PROM2: variants seen among roughly 807,000 people sequenced by gnomAD.
The protein encoded by PROM2 is prominin-2.
A neutral mutation model predicts 110.2 loss-of-function variants in PROM2; 90 were observed. That is an observed-to-expected ratio of 0.82 (90% CI 0.69 to 0.97). PROM2 has a LOEUF of 0.97. PROM2 is among the 50% of genes least tolerant of loss of function. The probability of loss-of-function intolerance (pLI) is 0.00; values close to 1 mark genes in which losing one functional copy is unlikely to be tolerated. For missense variants in PROM2, 1,009 were observed against 1,074.8 expected (o/e 0.94, Z 0.86); for synonymous variants, 470 against 467.8 (o/e 1.00, Z -0.06).
intron 8 of PROM2, 171 bp downstream of exon 8, chr2:95,278,175 G>A: frequency 1.6e-6 from 1 of 620,218 alleles, no homozygotes; most frequent in South Asian, 1.9e-5. Context: ...CACAATCTGT[G>A]CTCAGATGGG....
chr2:95,274,834 G>C lies in PROM2; in HGVS notation c.244+5G>C. ...AGCTCAATCCTTTCCCTTCAGGTGA[G>C]TGTGCCCCTCCCCCATGAGGGCCTC... is the stretch of plus-strand genomic sequence containing the variant. On this transcript the variant is annotated splice_donor_5th_base_variant and intron_variant, in intron 1 of 23. Transcript: ENST00000317620. 2 of 1,547,962 alleles carry C rather than the reference G, an allele frequency of 1.3e-6. No homozygotes were observed. The highest frequency in any genetic ancestry group is 1.7e-6 in the Non-Finnish European group (2 of 1,145,312).
At chr2:95,277,862 T>G in intron 7 of PROM2, 68 bp from the exon 8 acceptor site, 1 of 1,372,590 alleles carries the variant, frequency 7.3e-7, no homozygotes, top group Non-Finnish European at 1.0e-6. Flanking sequence ...GCCCCCCTCA[T>G]CCACCCTCAG....
chr2:95,277,539 C>A lies in PROM2; in HGVS notation c.948C>A (p.Thr316=). 1 of 1,591,174 alleles carries A rather than the reference C, an allele frequency of 6.3e-7. No individual in the cohort carries two copies. Among genetic ancestry groups the A allele is most frequent in the East Asian group, 2.2e-5 (1 of 44,556 alleles). Residue 316 remains threonine (T), a synonymous_variant, in exon 7 of 24, where the codon ACC becomes ACA. Transcript: ENST00000317620. ...CAGGGGCCCTGAGCTGGGCCCGCAC[C>A]CTGGAGCTGGGTGCTGACTTCAGCC... ...DCAGALSWAR[T]LELGADFSQV... is the part of the protein sequence containing the mutation.
rs376016982 is a variant in PROM2 at position 95,275,412 on chromosome 2, G to A, written c.245-49G>A. ...GCAGTGGGGAGAGGAGGGACACAGG[G>A]GCAGGGCAGTGGCTGTCCCCAAATC... On this transcript the variant is annotated intron_variant, in intron 1 of 23. Coordinates refer to ENST00000317620, the MANE Select transcript of PROM2 (RefSeq NM_001165978.3). The surrounding 1 kb of genome is among the most constrained non-coding windows in gnomAD (Gnocchi z 4.4). 6.4e-7 allele frequency: 1 copy of A among 1,564,840 alleles called. No homozygotes were observed. Among genetic ancestry groups the A allele is most frequent in the African/African-American group, 1.4e-5 (1 of 74,022 alleles).
At position 95,276,780 on chromosome 2, in the gene PROM2, G is replaced by C. The variant is rs897213167; in HGVS notation, c.682+123G>C. On this transcript the variant is annotated intron_variant, in intron 5 of 23. Coordinates refer to ENST00000317620, the MANE Select transcript of PROM2 (RefSeq NM_001165978.3). This position sits in a 1 kb window ranked among gnomAD's most constrained non-coding sequence, Gnocchi z 4.6. Reference sequence around the variant, plus strand: ...CCGGGAACAGGCTGGTAGAGGTGGGGATCAGGCCGGCTGGAGAGCAAGAGT... The same window carrying C: ...CCGGGAACAGGCTGGTAGAGGTGGGCATCAGGCCGGCTGGAGAGCAAGAGT... The C allele has an allele frequency of 4.2e-5, 52 of 1,226,650 alleles. No individual in the cohort carries two copies. The African/African-American group carries it at 7.8e-4, about 18-fold the overall frequency. 76.0% of individuals were successfully genotyped at this position (1,226,650 alleles called of 1,614,324 possible).
intron 20 of PROM2, among the ~76,000 whole-genome samples, chr2:95,287,859 G>T (rs1333821082): frequency 2.0e-5 from 3 of 152,176 alleles, no homozygotes; most frequent in Non-Finnish European, 4.4e-5. Flanking sequence ...CAGTGGTCTG[G>T]TTTTACCCTG....
chr2:95,284,546 A>G (rs1677231628), intron 14 of PROM2, among the ~76,000 whole-genome samples: 2 of 152,170 alleles, frequency 1.3e-5, no homozygotes, highest in South Asian at 4.1e-4. Context: ...TTATAAAGAA[A>G]AGAGGTTTAA....
rs190679499 is a variant in PROM2, at chr2:95,275,980, C to G, written c.345C>G (p.Leu115=). The part of the protein sequence containing the change: ...GYVVCAVIAG[L]YLLLVPTAGL... ...TGGTATGCGCTGTGATCGCGGGCCTCTACCTGCTGCTGGTGCCCACTGCCG... is the reference window on the plus strand; with the variant it reads ...TGGTATGCGCTGTGATCGCGGGCCTGTACCTGCTGCTGGTGCCCACTGCCG... Residue 115 remains leucine, a synonymous_variant, in exon 3 of 24, where the codon CTC becomes CTG. Coordinates refer to ENST00000317620, the MANE Select transcript of PROM2 (RefSeq NM_001165978.3). This position sits in a 1 kb window ranked among gnomAD's most constrained non-coding sequence, Gnocchi z 4.4. 6.2e-7 allele frequency: 1 copy of G among 1,612,396 alleles called. No homozygotes were observed. Among genetic ancestry groups the G allele is most frequent in the African/African-American group, 1.3e-5 (1 of 75,064 alleles).
In PROM2 at chr2:95,276,413, G is replaced by A. The variant is rs762015068; in HGVS notation, c.618+66G>A. ...CACTGGGCCCGGGCAGGACAGAGCC[G>A]AGTGGGCCCTCGATGGCCCATAACC... On this transcript the variant is annotated intron_variant, in intron 4 of 23. Transcript: ENST00000317620. The surrounding 1 kb of genome is among the most constrained non-coding windows in gnomAD (Gnocchi z 4.6). The A allele has an allele frequency of 4.7e-4, 745 of 1,597,784 alleles. No individual in the cohort carries two copies. The highest frequency in any genetic ancestry group is 6.1e-4 in the Non-Finnish European group (715 of 1,170,460).
chr2:95,277,131 C>T (rs1161345258), intron 6 of PROM2, 70 bp downstream of exon 6: 1 of 1,381,776 alleles, frequency 7.2e-7, no homozygotes, highest in Non-Finnish European at 9.8e-7. Flanking sequence ...CCCACCTGCA[C>T]CTAGCCCTGG....
intron 13 of PROM2, 51 bp from the exon 14 acceptor site, chr2:95,282,090 GC>G (rs961244907): frequency 2.1e-5 from 33 of 1,606,616 alleles, no homozygotes; most frequent in Non-Finnish European, 2.6e-5. Flanking sequence ...GGGGACATCA[GC>G]CCCCCCGCCA....
chr2:95,279,796 G>A (rs1676934871), intron 10 of PROM2, 49 bp from the exon 11 acceptor site: 1 of 1,371,024 alleles, frequency 7.3e-7, no homozygotes, highest in South Asian at 2.1e-5. Context: ...GTCCATGTTG[G>A]TGCCAGCCAC....
chr2:95,287,373 C>A (rs996462472), intron 19 of PROM2, 23 bp from the exon 20 acceptor site: 13 of 1,613,678 alleles, frequency 8.1e-6, no homozygotes, highest in Non-Finnish European at 1.1e-5. Flanking sequence ...CCCTACAGCT[C>A]AGACCTCCTT....
In PROM2 at chr2:95,282,155, G is replaced by A; in HGVS notation, c.1657G>A (p.Gly553Arg). The A allele has an allele frequency of 6.2e-7, 1 of 1,613,916 alleles. No homozygotes were observed. Among genetic ancestry groups the A allele is most frequent in the Non-Finnish European group, 8.5e-7 (1 of 1,179,958 alleles). Residue 553 changes from glycine to arginine, a missense_variant, in exon 14 of 24, where the codon GGG becomes AGG. Gly to Arg is a moderately radical substitution (Grantham distance 125). Transcript: ENST00000317620. ...IHQAYQQCKEGAALWTVLQLN... is the reference protein window; with the variant it reads ...IHQAYQQCKERAALWTVLQLN... ...ACTCCTCCTCAGGCAGTGCAAGGAA[G>A]GGGCAGCGCTCTGGACAGTCCTGCA... is the stretch of plus-strand genomic sequence containing the variant.
At chr2:95,284,422 T>A (rs1677222174) in intron 14 of PROM2, among the ~76,000 whole-genome samples, 2 of 151,686 alleles carry the variant, frequency 1.3e-5, no homozygotes, top group Admixed American at 6.6e-5. Context: ...GCCCGGGGGA[T>A]CTAGGCTTCA....
chr2:95,278,385 T>G (rs1573448763), intron 8 of PROM2: 1 of 529,078 alleles, frequency 1.9e-6, no homozygotes, highest in Non-Finnish European at 3.4e-6. Flanking sequence ...GAGTGGAAGG[T>G]TCCAGAAGGA....
chr2:95,279,783 C>T, intron 10 of PROM2, 62 bp from the exon 11 acceptor site: 2 of 1,347,456 alleles, frequency 1.5e-6, no homozygotes, highest in Non-Finnish European at 1.9e-6. Flanking sequence ...ACGTCCCGCA[C>T]CTGTCCATGT....
chr2:95,287,362 C>A (rs1677424702), intron 19 of PROM2, 34 bp from the exon 20 acceptor site: 7 of 1,612,056 alleles, frequency 4.3e-6, no homozygotes, highest in Non-Finnish European at 5.1e-6. Context: ...GCTTCTGGGA[C>A]CCCTACAGCT....
chr2:95,281,146 C>T lies in PROM2; in HGVS notation c.1428-96C>T, dbSNP rs1354488525. The stretch of plus-strand genomic sequence containing the variant: ...AAGGCTCTGTGCTGGGGCCAACTGG[C>T]TGAGCAGGCTGGCCCTGGGGTGAGG... On this transcript the variant is annotated intron_variant, in intron 11 of 23. Coordinates refer to ENST00000317620, the MANE Select transcript of PROM2 (RefSeq NM_001165978.3). The T allele has an allele frequency of 1.3e-5, 20 of 1,514,008 alleles. No individual in the cohort carries two copies. In the East Asian group the frequency reaches 3.4e-4, roughly 26 times the overall value. 93.8% of individuals were successfully genotyped at this position (1,514,008 alleles called of 1,614,324 possible).
Sources: gnomAD v4.1 joint callset for allele counts (sites outside exome capture counted in the v4.1 genomes callset) on GRCh38, gnomAD v4.1.1 for gene constraint, Gnocchi (gnomAD v3.1) non-coding constraint, MANE v1.5 for transcripts, NCBI Gene and HGNC (gene_info 2026-07-23, HGNC 2026-07-21) for gene names.